Variants in PTPRC observed in about 807,000 individuals in gnomAD.
PTPRC encodes receptor-type tyrosine-protein phosphatase C.
A neutral mutation model predicts 155.9 loss-of-function variants in PTPRC; 44 were observed. The observed-to-expected ratio is 0.28, with a 90% CI of 0.22 to 0.36. PTPRC has a LOEUF of 0.36. Among genes scored for constraint, PTPRC ranks in the 10% least tolerant of loss-of-function variants. PTPRC has a pLI of 1.00. For synonymous variants in PTPRC, 525 were observed against 533.1 expected (o/e 0.98, Z 0.21); for missense variants, 1,401 against 1,564.6 (o/e 0.90, Z 1.76).
chr1:198,683,643 C>T (rs1345739042), intron 2 of PTPRC, among the ~76,000 whole-genome samples: 1 of 152,076 alleles, frequency 6.6e-6, no homozygotes, highest in Admixed American at 6.5e-5. Context: ...TACCAGTGCA[C>T]AGATCACGTT....
chr1:198,696,733 C>A lies in PTPRC; in HGVS notation c.122C>A (p.Pro41His). The A allele has an allele frequency of 6.2e-7, 1 of 1,613,864 alleles. No individual in the cohort carries two copies. Among genetic ancestry groups the A allele is most frequent in the Non-Finnish European group, 8.5e-7 (1 of 1,179,828 alleles). Residue 41 changes from proline (P) to histidine (H), a missense_variant, in exon 4 of 33, where the codon CCC (proline) becomes CAC (histidine). Coordinates refer to ENST00000442510, the MANE Select transcript of PTPRC (RefSeq NM_002838.5). ...ACAGGATTGACTACAGCAAAGATGCCCAGTGTTCCACTTTCAAGTGACCCC... is the reference window on the plus strand; with the variant it reads ...ACAGGATTGACTACAGCAAAGATGCACAGTGTTCCACTTTCAAGTGACCCC... ...SPTGLTTAKM[P>H]SVPLSSDPLP...
At position 198,752,734 on chromosome 1, in the gene PTPRC, C is replaced by G; in HGVS notation, c.3471C>G (p.Asn1157Lys). The change falls in exon 31 of 33, where the codon AAC becomes AAG. Residue 1157 changes from asparagine (N) to lysine (K), a missense_variant. By Grantham distance (94) the Asn-to-Lys change is moderately conservative. Around this residue, in one of 3 missense-constraint regions of PTPRC, gnomAD observed 400 missense variants for 389.5 expected, o/e 1.03. Coordinates refer to ENST00000442510, the MANE Select transcript of PTPRC (RefSeq NM_002838.5). ...CCCAGAAGAATTCCTCTGAAGGGAA[C>G]AAGCATCACAAGAGTACACCTCTAC... is the stretch of plus-strand genomic sequence containing the variant. ...KLPQKNSSEG[N>K]KHHKSTPLLI... is the part of the protein sequence containing the mutation. 6.2e-7 allele frequency: 1 copy of G among 1,612,832 alleles called. No homozygotes were observed. The highest frequency in any genetic ancestry group is 8.5e-7 in the Non-Finnish European group (1 of 1,179,312).
At chr1:198,675,032 C>T (rs1203728554) in intron 2 of PTPRC, among the ~76,000 whole-genome samples, 1 of 151,954 alleles carries the variant, frequency 6.6e-6, no homozygotes, top group Non-Finnish European at 1.5e-5. Context: ...GGTTTTCTGT[C>T]TTTTTTCTTT....
chr1:198,720,072 C>T (rs1047190620), intron 14 of PTPRC, among the ~76,000 whole-genome samples: 1 of 151,814 alleles, frequency 6.6e-6, no homozygotes, highest in African/African-American at 2.4e-5. Context: ...TGATGCAAAA[C>T]CATTGTCACA....
chr1:198,712,245 C>T (rs1177528620), intron 11 of PTPRC, among the ~76,000 whole-genome samples: 1 of 152,184 alleles, frequency 6.6e-6, no homozygotes, highest in African/African-American at 2.4e-5. Context: ...AAAGTACTTA[C>T]TGTTTGTTTC....
chr1:198,663,158 C>A (rs1664080581), intron 2 of PTPRC, among the ~76,000 whole-genome samples: 1 of 152,182 alleles, frequency 6.6e-6, no homozygotes, highest in African/African-American at 2.4e-5. Flanking sequence ...CAAGACTGAA[C>A]TTATGACCAC....
At chr1:198,674,194 A>G (rs746759498) in intron 2 of PTPRC, among the ~76,000 whole-genome samples, 67 of 152,246 alleles carry the variant, frequency 4.4e-4, no homozygotes, top group Non-Finnish European at 8.7e-4. Flanking sequence ...TTTTTACGAC[A>G]CTTGGAGCGG....
chr1:198,708,428 G>T (rs1039476383), intron 10 of PTPRC, among the ~76,000 whole-genome samples, 167 bp downstream of exon 10: 13 of 151,784 alleles, frequency 8.6e-5, no homozygotes, highest in African/African-American at 2.9e-4. Context: ...GGTATATTTA[G>T]AGTCAAATAA....
chr1:198,702,594 T>A, intron 6 of PTPRC, 64 bp downstream of exon 6: 1 of 1,581,220 alleles, frequency 6.3e-7, no homozygotes, highest in Non-Finnish European at 8.7e-7. Context: ...CTCAAAACTT[T>A]AATGTAGCTC....
Position 198,731,610 on chromosome 1 carries a change from T to C in PTPRC, c.1865-7T>C. On this transcript the variant is annotated splice_polypyrimidine_tract_variant and splice_region_variant and intron_variant, in intron 17 of 32. Transcript: ENST00000442510. ...TAACTAGTATTGAATCTTTAATATG[T>C]TTCCAGATGATGAAAAACAACTGAT... The C allele has an allele frequency of 6.3e-7, 1 of 1,588,648 alleles. No homozygotes were observed. The highest frequency in any genetic ancestry group is 1.1e-5 in the South Asian group (1 of 90,592).
At chr1:198,653,158 G>A (rs989792696) in intron 2 of PTPRC, among the ~76,000 whole-genome samples, 2 of 151,734 alleles carry the variant, frequency 1.3e-5, no homozygotes, top group Non-Finnish European at 2.9e-5. Flanking sequence ...AAGAACAAAT[G>A]TGTTATGCTC....
At chr1:198,679,452 CA>C (rs1171422785) in intron 2 of PTPRC, 3 of 146,392 alleles carry the variant, frequency 2.0e-5, no homozygotes, top group African/African-American at 5.1e-5. Context: ...GGGGTTTTAC[CA>C]TGTTGGCCAG....
intron 2 of PTPRC, among the ~76,000 whole-genome samples, chr1:198,662,750 A>G (rs1046642563): frequency 1.2e-4 from 18 of 152,170 alleles, no homozygotes; most frequent in Admixed American, 1.2e-3. Context: ...AGTTTTACAG[A>G]TACTATAGAT....
intron 5 of PTPRC, among the ~76,000 whole-genome samples, chr1:198,701,842 G>A (rs1235231319): frequency 6.6e-6 from 1 of 152,222 alleles, no homozygotes; most frequent in African/African-American, 2.4e-5. Context: ...AAACCTTTGA[G>A]CTCATGCTGT....
chr1:198,698,817 T>TATATATGTACATATAAGTAC, intron 4 of PTPRC, among the ~76,000 whole-genome samples: 1 of 152,254 alleles, frequency 6.6e-6, no homozygotes, highest in South Asian at 2.1e-4. Context: ...ATATAAAATG[T>TATATATGTACATATAAGTAC]ATACTTTATA....
At chr1:198,707,215 C>G (rs988365504) in intron 9 of PTPRC, among the ~76,000 whole-genome samples, 2 of 152,162 alleles carry the variant, frequency 1.3e-5, no homozygotes, top group Non-Finnish European at 2.9e-5. Context: ...TATAGTTTAT[C>G]CTGCTAAGTG....
At chr1:198,689,410 T>C (rs57680405) in intron 2 of PTPRC, among the ~76,000 whole-genome samples, 4,875 of 152,296 alleles carry the variant, frequency 0.032, 133 homozygotes, top group East Asian at 0.12. Context: ...TTTTCTTTTA[T>C]GAAACTCTAT....
In PTPRC at chr1:198,654,603, C is replaced by G. The variant is rs921320596; in HGVS notation, c.73+15262C>G. On this transcript the variant is annotated intron_variant, in intron 2 of 32. Coordinates refer to ENST00000442510, the MANE Select transcript of PTPRC (RefSeq NM_002838.5). ...TCAATAAAATATGGTATTTAACAAC[C>G]AAATTTGGCCCCTCCCTCCCCTTAA... 1.5e-4 allele frequency among the ~76,000 whole-genome samples: 22 copies of G among 151,724 alleles called. No individual in the cohort carries two copies. In the South Asian group the frequency reaches 4.4e-3, roughly 30 times the overall value.
intron 2 of PTPRC, among the ~76,000 whole-genome samples, chr1:198,682,419 C>CTT (rs920384072): frequency 6.6e-6 from 1 of 151,772 alleles, no homozygotes; most frequent in Non-Finnish European, 1.5e-5. Flanking sequence ...TTATTTTCTG[C>CTT]TTTTTTTTAT....
Sources: allele counts gnomAD v4.1 joint callset (sites outside exome capture counted in the v4.1 genomes callset), GRCh38; gene constraint gnomAD v4.1.1; regional missense constraint gnomAD v4.1.1; transcripts MANE v1.5; gene names NCBI Gene and HGNC (gene_info 2026-07-23, HGNC 2026-07-21).